The following SSC5D variants were observed in gnomAD, a reference collection of about 807,000 sequenced individuals.
SSC5D encodes soluble scavenger receptor cysteine-rich domain-containing protein SSC5D.
Under a neutral mutation model 104.6 loss-of-function variants are expected in SSC5D, and 106 were observed. That is an observed-to-expected ratio of 1.01 (90% CI 0.87 to 1.19). The LOEUF (loss-of-function observed/expected upper bound fraction) is 1.19, where lower values mean the gene tolerates loss of function less well. SSC5D is among the 50% of genes most tolerant of loss of function. The pLI is 0.00. For missense variants in SSC5D, 1,993 were observed against 2,153.8 expected (o/e 0.93, Z 1.48); for synonymous variants, 860 against 883.5 (o/e 0.97, Z 0.47).
At chr19:55,513,850 T>A (rs1987810638) in intron 13 of SSC5D, among the ~76,000 whole-genome samples, 1 of 152,044 alleles carries the variant, frequency 6.6e-6, no homozygotes, top group South Asian at 2.1e-4. Context: ...TAAGTCACTG[T>A]GACAAATAGG....
rs1343125092 is a variant in SSC5D at position 55,498,085 on chromosome 19, G to A, written c.1593G>A (p.Trp531Ter). Reference sequence around the variant, plus strand: ...TTGGCTGGGGTGCGGGCCCCATCTGGCTAGATGATGTGGGCTGTGTGGGGA... The same window carrying A: ...TTGGCTGGGGTGCGGGCCCCATCTGACTAGATGATGTGGGCTGTGTGGGGA... ...GRFGWGAGPI[W>*]LDDVGCVGTE... Residue 531 changes from tryptophan to a stop codon, truncating the protein, a stop_gained, in exon 9 of 14, where the codon TGG (tryptophan) becomes TGA (stop). Transcript: ENST00000389623. LOFTEE classifies it high-confidence loss of function. 2 of 1,551,654 alleles carry A rather than the reference G, an allele frequency of 1.3e-6. No individual in the cohort carries two copies. The highest frequency in any genetic ancestry group is 1.7e-4 in the Middle Eastern group (1 of 5,992).
chr19:55,493,545 G>A (rs1008578018), intron 6 of SSC5D, 50 bp from the exon 7 acceptor site: 95 of 1,388,418 alleles, frequency 6.8e-5, no homozygotes, highest in East Asian at 3.8e-4. Flanking sequence ...CTTAGTCCCC[G>A]CTCATCCACC....
At chr19:55,504,078 G>A (rs1212059182) in intron 12 of SSC5D, 2 of 1,526,078 alleles carry the variant, frequency 1.3e-6, no homozygotes, top group Non-Finnish European at 1.8e-6. Context: ...GGGTGGGTGG[G>A]CTCCAGCTGT....
intron 5 of SSC5D, 109 bp downstream of exon 5, chr19:55,490,517 G>A (rs893413196): frequency 1.6e-6 from 1 of 608,784 alleles, no homozygotes; most frequent in East Asian, 3.0e-5. Context: ...GGCCCTGGAG[G>A]GATCCCAGTG....
chr19:55,500,113 T>G lies in SSC5D; in HGVS notation c.2003T>G (p.Leu668Arg). 6.4e-7 allele frequency: 1 copy of G among 1,551,230 alleles called. No individual in the cohort carries two copies. The change falls in exon 10 of 14, where the codon CTG becomes CGG. Residue 668 changes from leucine (L) to arginine (R), a missense_variant. Physicochemically the swap from Leu to Arg is moderately radical, Grantham distance 102 (BLOSUM62 -2). Coordinates refer to ENST00000389623, the MANE Select transcript of SSC5D (RefSeq NM_001144950.2). This position sits in a 1 kb window ranked among gnomAD's most constrained non-coding sequence, Gnocchi z 4.6. ...CTAACCTCACAGACCACTGCAGCACTGACCACTGAGGCCTCCCGAAGACCT... is the reference window on the plus strand; with the variant it reads ...CTAACCTCACAGACCACTGCAGCACGGACCACTGAGGCCTCCCGAAGACCT... ...PDLTSQTTAA[L>R]TTEASRRPTS...
At chr19:55,497,512 ACTATTTG>A (rs1987355156) in intron 8 of SSC5D, among the ~76,000 whole-genome samples, 1 of 152,222 alleles carries the variant, frequency 6.6e-6, no homozygotes, top group Non-Finnish European at 1.5e-5. Flanking sequence ...TACAACCACT[ACTATTTG>A]GCTACTGTGA....
At position 55,493,831 on chromosome 19, in the gene SSC5D, ACGGCCT is replaced by A; in HGVS notation, c.1133_1138del (p.Thr378_Leu380delinsIle). Reference sequence around the variant, plus strand: ...CGACCTTCGGTGTCGGGGAAACGAGACGGCCTTACGATTCTGCCCAGCTCGGCCCTG... The same window carrying A: ...CGACCTTCGGTGTCGGGGAAACGAGATACGATTCTGCCCAGCTCGGCCCTG... On this transcript the variant is annotated inframe_deletion, in exon 7 of 14. Coordinates refer to ENST00000389623, the MANE Select transcript of SSC5D (RefSeq NM_001144950.2). The A allele has an allele frequency of 6.5e-7, 1 of 1,549,072 alleles. No homozygotes were observed. Among genetic ancestry groups the A allele is most frequent in the Non-Finnish European group, 8.7e-7 (1 of 1,146,542 alleles).
chr19:55,505,161 C>T (rs1459396314), intron 12 of SSC5D, among the ~76,000 whole-genome samples: 8 of 151,676 alleles, frequency 5.3e-5, no homozygotes, highest in African/African-American at 2.0e-4. Flanking sequence ...TGTGTGAAAT[C>T]GTTTAAAACC....
In SSC5D at chr19:55,493,643, G is replaced by A. The variant is rs1209433881; in HGVS notation, c.944G>A (p.Gly315Asp). ...GCCGATGGCCCCCACGGGTGCGCCG[G>A]CCGCCTGGAGGTCTGGCACGGGGGT... ...RLADGPHGCA[G>D]RLEVWHGGRW... Residue 315 changes from glycine (G) to aspartate (D), a missense_variant, in exon 7 of 14, where the codon GGC (glycine) becomes GAC (aspartate). Physicochemically the swap from Gly to Asp is moderately conservative, Grantham distance 94. This residue lies in a region of SSC5D where 1,101 missense variants were observed against 1,085.0 expected (regional missense o/e 1.01). Coordinates refer to ENST00000389623, the MANE Select transcript of SSC5D (RefSeq NM_001144950.2). The A allele has an allele frequency of 1.3e-6, 2 of 1,496,682 alleles. No homozygotes were observed. Among genetic ancestry groups the A allele is most frequent in the Admixed American group, 4.6e-5 (2 of 43,590 alleles). 92.7% of individuals were successfully genotyped at this position (1,496,682 alleles called of 1,614,324 possible).
At chr19:55,497,829 G>T in intron 8 of SSC5D, 51 bp from the exon 9 acceptor site, 1 of 1,463,872 alleles carries the variant, frequency 6.8e-7, no homozygotes. Context: ...GAAGAGTCAG[G>T]AGGCTGGGCG....
At chr19:55,488,971 C>A (rs1307567296) in intron 1 of SSC5D, 35 bp from the exon 2 acceptor site, 1 of 1,119,768 alleles carries the variant, frequency 8.9e-7, no homozygotes, top group Non-Finnish European at 1.1e-6. Flanking sequence ...CCGGCCTGCC[C>A]CTCACACTGC....
chr19:55,495,698 G>T (rs1394174816), intron 8 of SSC5D, among the ~76,000 whole-genome samples: 2 of 152,072 alleles, frequency 1.3e-5, no homozygotes, highest in African/African-American at 4.8e-5. Context: ...AAGCACCAGG[G>T]CCAGGCAGGA....
chr19:55,515,749 A>C (rs937925773), intron 13 of SSC5D, among the ~76,000 whole-genome samples: 1 of 151,136 alleles, frequency 6.6e-6, no homozygotes, highest in East Asian at 1.9e-4. Flanking sequence ...AAAATAAAAT[A>C]AAATAAAAGA....
In SSC5D at chr19:55,493,681, G is replaced by A; in HGVS notation, c.982G>A (p.Val328Met). 6.6e-7 allele frequency: 1 copy of A among 1,511,776 alleles called. No homozygotes were observed. Among genetic ancestry groups the A allele is most frequent in the Admixed American group, 2.2e-5 (1 of 46,154 alleles). 93.6% of individuals were successfully genotyped at this position (1,511,776 alleles called of 1,614,324 possible). The change falls in exon 7 of 14, where the codon GTG becomes ATG. Residue 328 changes from valine to methionine, a missense_variant. Physicochemically the swap from Val to Met is conservative, Grantham distance 21 (BLOSUM62 1). Around this residue, in one of 6 missense-constraint regions of SSC5D, gnomAD observed 1,101 missense variants for 1,085.0 expected, o/e 1.01. Coordinates refer to ENST00000389623, the MANE Select transcript of SSC5D (RefSeq NM_001144950.2). ...CTGGCACGGGGGTCGCTGGGGGTCG[G>A]TGTGTGACGACGCCTGGGACCTGCG... Reference protein sequence around the residue: ...EVWHGGRWGSVCDDAWDLRDA... With the variant: ...EVWHGGRWGSMCDDAWDLRDA...
In SSC5D at chr19:55,497,994, C is replaced by T. The variant is rs975189264; in HGVS notation, c.1502C>T (p.Ser501Leu). Residue 501 changes from serine (S) to leucine (L), a missense_variant, in exon 9 of 14, where the codon TCA becomes TTA. Physicochemically the swap from Ser to Leu is moderately radical, Grantham distance 145. This residue lies in a region of SSC5D where 1,101 missense variants were observed against 1,085.0 expected (regional missense o/e 1.01). Transcript: ENST00000389623. ...VCDDSWDMRDSAVVCRELGCG... is the reference protein window; with the variant it reads ...VCDDSWDMRDLAVVCRELGCG... ...GACGATAGCTGGGACATGCGGGATTCAGCTGTGGTCTGCCGGGAGCTGGGC... is the reference window on the plus strand; with the variant it reads ...GACGATAGCTGGGACATGCGGGATTTAGCTGTGGTCTGCCGGGAGCTGGGC... 7 of 1,551,806 alleles carry T rather than the reference C, an allele frequency of 4.5e-6. No individual in the cohort carries two copies. The highest frequency in any genetic ancestry group is 6.1e-6 in the Non-Finnish European group (7 of 1,147,030).
intron 12 of SSC5D, 80 bp downstream of exon 12, chr19:55,501,281 C>T (rs1476580579): frequency 2.1e-6 from 3 of 1,438,786 alleles, no homozygotes; most frequent in Non-Finnish European, 2.7e-6. Flanking sequence ...CAGAAAGACC[C>T]TTCTCAATGA....
At position 55,489,364 on chromosome 19, in the gene SSC5D, C is replaced by G; in HGVS notation, c.63C>G (p.Arg21=). ...LVGIQAVERL[R]LADGPHGCAG... is the part of the protein sequence containing the mutation. ...TCCTCCAACCCTCAGAGCGCCTGCG[C>G]CTGGCCGATGGCCCCCATGGGTGCG... The change falls in exon 3 of 14, where the codon CGC becomes CGG. Residue 21 remains arginine, a synonymous_variant. Coordinates refer to ENST00000389623, the MANE Select transcript of SSC5D (RefSeq NM_001144950.2). 6.9e-7 allele frequency: 1 copy of G among 1,458,964 alleles called. No individual in the cohort carries two copies. Among genetic ancestry groups the G allele is most frequent in the Non-Finnish European group, 9.0e-7 (1 of 1,114,510 alleles). The allele number at this position is 1,458,964 out of a possible 1,614,324, so 90.4% of individuals were successfully genotyped here. A position where few individuals can be genotyped will look rare whatever the true frequency, so the allele number is the denominator to read the frequency against.
At chr19:55,490,033 C>A in intron 4 of SSC5D, 38 bp downstream of exon 4, 1 of 1,452,084 alleles carries the variant, frequency 6.9e-7, no homozygotes, top group South Asian at 1.3e-5. Context: ...CCCCACCCAG[C>A]GTGCCCTCCT....
intron 8 of SSC5D, among the ~76,000 whole-genome samples, chr19:55,495,502 G>T (rs1987302428): frequency 6.6e-6 from 1 of 151,160 alleles, no homozygotes; most frequent in Non-Finnish European, 1.5e-5. Flanking sequence ...CAAAGTGCTG[G>T]GATTAGAGGC....
Sources: allele counts gnomAD v4.1 joint callset (sites outside exome capture counted in the v4.1 genomes callset), GRCh38; gene constraint gnomAD v4.1.1; regional missense constraint gnomAD v4.1.1; non-coding constraint Gnocchi (gnomAD v3.1); transcripts MANE v1.5; gene names NCBI Gene and HGNC (gene_info 2026-07-23, HGNC 2026-07-21).